The following OR5B12 variants were observed in gnomAD, a reference collection of about 807,000 sequenced individuals.
OR5B12 encodes olfactory receptor family 5 subfamily B member 12, also known as olfactory receptor 5B12.
For synonymous variants in OR5B12, 154 were observed against 138.0 expected (o/e 1.12, Z -0.81); for missense variants, 418 against 377.0 (o/e 1.11, Z -0.90).
At chr11:58,440,241 T>C in intron 1 of OR5B12, 71 bp from the exon 2 acceptor site, 1 of 958,360 alleles carries the variant, frequency 1.0e-6, no homozygotes, top group South Asian at 1.8e-5. Flanking sequence ...CAGCATGCCA[T>C]TTTTTTGCTT....
chr11:58,439,168 T>G lies in OR5B12; in HGVS notation c.*39A>C. On this transcript the variant is annotated 3_prime_UTR_variant, in exon 2 of 2. Transcript: ENST00000641921. ...TGGGCTTGGTAGACAAAGATTAATATGAGGTGGAAAAAATTATCTTATTGT... is the reference window on the plus strand; with the variant it reads ...TGGGCTTGGTAGACAAAGATTAATAGGAGGTGGAAAAAATTATCTTATTGT... 5.1e-6 allele frequency: 6 copies of G among 1,170,128 alleles called. No homozygotes were observed. Among genetic ancestry groups the G allele is most frequent in the Non-Finnish European group, 7.2e-6 (6 of 828,208 alleles). The allele number at this position is 1,170,128 out of a possible 1,614,324, so 72.5% of individuals were successfully genotyped here.
intron 1 of OR5B12, among the ~76,000 whole-genome samples, chr11:58,441,086 C>T (rs1235285877): frequency 2.0e-5 from 3 of 152,164 alleles, no homozygotes; most frequent in Non-Finnish European, 2.9e-5. Context: ...ATCACATCTA[C>T]ACTGTAGACC....
In OR5B12 at chr11:58,439,810, T is replaced by G. The variant is rs149043724; in HGVS notation, c.342A>C (p.Ala114=). 28 of 1,614,184 alleles carry G rather than the reference T, an allele frequency of 1.7e-5. No individual in the cohort carries two copies. In the African/African-American group the frequency reaches 2.9e-4, roughly 17 times the overall value. ...AFITAESFLL[A]SMAYDRYAAL... ...CTGCATAGCGGTCATAGGCCATTGA[T>G]GCCAGGAGGAAACTTTCTGCAGTGA... The change falls in exon 2 of 2, where the codon GCA becomes GCC. Residue 114 remains alanine (A), a synonymous_variant. Transcript: ENST00000641921.
chr11:58,439,404 A>T lies in OR5B12; in HGVS notation c.748T>A (p.Tyr250Asn). Residue 250 changes from tyrosine to asparagine, a missense_variant, in exon 2 of 2, where the codon TAT becomes AAT. Physicochemically the swap from Tyr to Asn is moderately radical, Grantham distance 143 (BLOSUM62 -2). Transcript: ENST00000641921. ...ASHLTAVSIF[Y>N]GTGIFMYLRP... Reference sequence around the variant, plus strand: ...AAGTACATAAAGATTCCTGTCCCATAAAAGATGGAAACTGCAGTAAGGTGG... The same window carrying T: ...AAGTACATAAAGATTCCTGTCCCATTAAAGATGGAAACTGCAGTAAGGTGG... 3 of 1,614,088 alleles carry T rather than the reference A, an allele frequency of 1.9e-6. No individual in the cohort carries two copies. The highest frequency in any genetic ancestry group is 2.5e-6 in the Non-Finnish European group (3 of 1,180,006).
Position 58,439,553 on chromosome 11 carries a change from AC to A in OR5B12, c.598del (p.Val200TrpfsTer12). ...NYISEMVIFFVVGFNDLFSIL... is the reference protein window; with the variant it reads ...NYISEMVIFFXVGFNDLFSIL... ...AGAAAAGAGGTCATTGAATCCCACC[AC>A]AAAAAAAATAACCATCTCACTGATG... On this transcript the variant is annotated frameshift_variant, in exon 2 of 2. Transcript: ENST00000641921. LOFTEE classifies it low-confidence loss of function (END_TRUNC). The A allele has an allele frequency of 6.2e-7, 1 of 1,613,172 alleles. No homozygotes were observed. Among genetic ancestry groups the A allele is most frequent in the Non-Finnish European group, 8.5e-7 (1 of 1,179,712 alleles).
rs750420963 is a variant in OR5B12 at position 58,439,215 on chromosome 11, T to C, written c.937A>G (p.Ile313Val). 1 of 1,502,380 alleles carries C rather than the reference T, an allele frequency of 6.7e-7. No homozygotes were observed. The highest frequency in any genetic ancestry group is 9.0e-7 in the Non-Finnish European group (1 of 1,106,580). The allele number at this position is 1,502,380 out of a possible 1,614,324, so 93.1% of individuals were successfully genotyped here. ...TTGTGAATTCTTTATAATTAAAATA[T>C]GAATCCTATAGAGGCCTTTGCCTTC... ...VGKAKASIGF[I>V]F The change falls in exon 2 of 2, where the codon ATA becomes GTA. Residue 313 changes from isoleucine to valine, a missense_variant. By Grantham distance (29) the Ile-to-Val change is conservative. Coordinates refer to ENST00000641921, the MANE Select transcript of OR5B12 (RefSeq NM_001004733.3).
chr11:58,439,738 T>G lies in OR5B12; in HGVS notation c.414A>C (p.Val138=), dbSNP rs765315172. ...LHYTTTMTTN[V]CACLAIGSYI... is the part of the protein sequence containing the mutation. ...AGGAGCCTATGGCCAGGCAAGCACA[T>G]ACATTTGTTGTCATGGTGGTGGTGT... Residue 138 remains valine, a synonymous_variant, in exon 2 of 2, where the codon GTA becomes GTC. Transcript: ENST00000641921. The G allele has an allele frequency of 6.2e-7, 1 of 1,614,152 alleles. No individual in the cohort carries two copies. The highest frequency in any genetic ancestry group is 2.2e-5 in the East Asian group (1 of 44,878).
chr11:58,440,852 T>A (rs1040918305), intron 1 of OR5B12, among the ~76,000 whole-genome samples: 2 of 152,206 alleles, frequency 1.3e-5, no homozygotes, highest in Non-Finnish European at 2.9e-5. Context: ...CATAAATCTC[T>A]GGATGTGTTC....
In OR5B12 at chr11:58,440,021, A is replaced by G. The variant is rs140525146; in HGVS notation, c.131T>C (p.Ile44Thr). ...ACAGGAGTCCAGTAGAATCAATTCA[A>G]TCATCCCCAGGTTCCCAACCAGAGT... ...LITLVGNLGM[I>T]ELILLDSCLH... Residue 44 changes from isoleucine (I) to threonine (T), a missense_variant, in exon 2 of 2, where the codon ATT becomes ACT. Physicochemically the swap from Ile to Thr is moderately conservative, Grantham distance 89. Transcript: ENST00000641921. 1,777 of 1,614,114 alleles carry G rather than the reference A, an allele frequency of 1.1e-3. 3 individuals carry two copies. Among genetic ancestry groups the G allele is most frequent in the African/African-American group, 9.7e-3 (731 of 75,036 alleles).
At chr11:58,440,455 A>T (rs1486097577) in intron 1 of OR5B12, among the ~76,000 whole-genome samples, 2 of 152,232 alleles carry the variant, frequency 1.3e-5, no homozygotes, top group African/African-American at 2.4e-5. Flanking sequence ...CATCAGACTA[A>T]TTAATTGGAA....
In OR5B12 at chr11:58,439,562, A is replaced by T. The variant is rs753619117; in HGVS notation, c.590T>A (p.Ile197Asn). 3.1e-6 allele frequency: 5 copies of T among 1,613,140 alleles called. No homozygotes were observed. The highest frequency in any genetic ancestry group is 1.7e-5 in the Admixed American group (1 of 59,768). ...GTCATTGAATCCCACCACAAAAAAA[A>T]TAACCATCTCACTGATGTAGTTGTC... ...CSDNYISEMVIFFVVGFNDLF... is the reference protein window; with the variant it reads ...CSDNYISEMVNFFVVGFNDLF... The change falls in exon 2 of 2, where the codon ATT (isoleucine) becomes AAT (asparagine). Residue 197 changes from isoleucine (I) to asparagine (N), a missense_variant. Coordinates refer to ENST00000641921, the MANE Select transcript of OR5B12 (RefSeq NM_001004733.3).
Position 58,439,816 on chromosome 11 carries a change from G to C in OR5B12, c.336C>G (p.Leu112=). The C allele has an allele frequency of 6.2e-7, 1 of 1,614,174 alleles. No individual in the cohort carries two copies. Among genetic ancestry groups the C allele is most frequent in the Non-Finnish European group, 8.5e-7 (1 of 1,180,030 alleles). The change falls in exon 2 of 2, where the codon CTC becomes CTG. Residue 112 remains leucine, a synonymous_variant. Coordinates refer to ENST00000641921, the MANE Select transcript of OR5B12 (RefSeq NM_001004733.3). ...FVAFITAESF[L]LASMAYDRYA... is the part of the protein sequence containing the mutation. ...AGCGGTCATAGGCCATTGATGCCAG[G>C]AGGAAACTTTCTGCAGTGATAAAGG...
In OR5B12 at chr11:58,439,467, G is replaced by A. The variant is rs1347289460; in HGVS notation, c.685C>T (p.Pro229Ser). Residue 229 changes from proline to serine, a missense_variant, in exon 2 of 2, where the codon CCT (proline) becomes TCT (serine). Transcript: ENST00000641921. ...IFITIMKMRS[P>S]EGRQKAFSTC... ...GAAAAGGCCTTCTGGCGTCCTTCAG[G>A]TGAGCGCATCTTCATGATGGTGATA... The A allele has an allele frequency of 6.2e-7, 1 of 1,613,958 alleles. No homozygotes were observed. Among genetic ancestry groups the A allele is most frequent in the African/African-American group, 1.3e-5 (1 of 74,926 alleles).
In OR5B12 at chr11:58,439,365, T is replaced by C. The variant is rs1220249147; in HGVS notation, c.787A>G (p.Ser263Gly). ...GIFMYLRPNS[S>G]HFMGTDKMAS... ...ATTTTGTCTGTGCCCATGAAATGGC[T>C]GGAGTTAGGTCGTAAGTACATAAAG... The change falls in exon 2 of 2, where the codon AGC becomes GGC. Residue 263 changes from serine to glycine, a missense_variant. By Grantham distance (56) the Ser-to-Gly change is moderately conservative. Coordinates refer to ENST00000641921, the MANE Select transcript of OR5B12 (RefSeq NM_001004733.3). 2 of 1,614,038 alleles carry C rather than the reference T, an allele frequency of 1.2e-6. No individual in the cohort carries two copies. The highest frequency in any genetic ancestry group is 1.7e-5 in the Admixed American group (1 of 59,960).
intron 1 of OR5B12, among the ~76,000 whole-genome samples, chr11:58,441,588 A>T (rs1855501455): frequency 1.3e-5 from 2 of 152,160 alleles, no homozygotes; most frequent in South Asian, 4.1e-4. Flanking sequence ...TCCAAAGTCT[A>T]AAATGCTTCC....
rs1478691034 is a variant in OR5B12 at position 58,440,099 on chromosome 11, T to C, written c.53A>G (p.Asp18Gly). Residue 18 changes from aspartate (D) to glycine (G), a missense_variant, in exon 2 of 2, where the codon GAC becomes GGC. Transcript: ENST00000641921. Reference protein sequence around the residue: ...TEFILVGLTDDPELQIPLFIV... With the variant: ...TEFILVGLTDGPELQIPLFIV... ...GAAGAGTGGGATCTGCAGTTCTGGG[T>C]CATCAGTTAACCCCACAAGGATGAA... is the stretch of plus-strand genomic sequence containing the variant. The C allele has an allele frequency of 7.4e-6, 12 of 1,613,494 alleles. No individual in the cohort carries two copies. The highest frequency in any genetic ancestry group is 5.0e-5 in the Admixed American group (3 of 59,974).
At position 58,439,647 on chromosome 11, in the gene OR5B12, A is replaced by T. The variant is rs765110624; in HGVS notation, c.505T>A (p.Ser169Thr). The T allele has an allele frequency of 1.6e-5, 26 of 1,614,014 alleles. No homozygotes were observed. The East Asian group carries it at 5.8e-4, about 36-fold the overall frequency. ...CAGAAAAAGTGTTCAACTACATTGG[A>T]TCTACAGAAGGAGAGCCTGAAAGTG... ...GNTFRLSFCR[S>T]NVVEHFFCDA... Residue 169 changes from serine to threonine, a missense_variant, in exon 2 of 2, where the codon TCC becomes ACC. Transcript: ENST00000641921.
intron 1 of OR5B12, among the ~76,000 whole-genome samples, chr11:58,441,631 C>A (rs1855501923): frequency 6.6e-6 from 1 of 152,036 alleles, no homozygotes; most frequent in African/African-American, 2.4e-5. Flanking sequence ...CAACATGATG[C>A]TACAAATGGA....
rs920086354 is a variant in OR5B12, at chr11:58,439,957, G to A, written c.195C>T (p.Ser65=). 9.3e-6 allele frequency: 15 copies of A among 1,613,970 alleles called. No individual in the cohort carries two copies. Among genetic ancestry groups the A allele is most frequent in the Admixed American group, 1.7e-5 (1 of 59,946 alleles). Residue 65 remains serine, a synonymous_variant, in exon 2 of 2, where the codon TCC becomes TCT. Coordinates refer to ENST00000641921, the MANE Select transcript of OR5B12 (RefSeq NM_001004733.3). ...CTGAGGAATAACCAAAGTCCACCAG[G>A]GAGAGGTTACTGAGGAAGAAGTACA... ...TPMYFFLSNL[S]LVDFGYSSAV... is the part of the protein sequence containing the mutation.
Sources: allele counts gnomAD v4.1 joint callset (sites outside exome capture counted in the v4.1 genomes callset), GRCh38; gene constraint gnomAD v4.1.1; transcripts MANE v1.5; gene names NCBI Gene and HGNC (gene_info 2026-07-23, HGNC 2026-07-21).